The following HSF2 variants were observed in gnomAD, a reference collection of about 807,000 sequenced individuals.
HSF2 encodes the protein heat shock transcription factor 2.
A neutral mutation model predicts 65.0 loss-of-function variants in HSF2; 21 were observed. The observed-to-expected ratio is 0.32, with a 90% CI of 0.23 to 0.47. HSF2 has a LOEUF of 0.47. HSF2 is among the 20% of genes least tolerant of loss of function. The probability of loss-of-function intolerance (pLI) is 1.00; values close to 1 mark genes in which losing one functional copy is unlikely to be tolerated. For missense variants in HSF2, 499 were observed against 628.1 expected (o/e 0.79, Z 2.20); for synonymous variants, 225 against 219.1 (o/e 1.03, Z -0.24).
chr6:122,428,504 C>T (rs1360944359), intron 11 of HSF2, among the ~76,000 whole-genome samples: 4 of 151,570 alleles, frequency 2.6e-5, no homozygotes, highest in African/African-American at 4.8e-5. Context: ...AGAGATTTTG[C>T]GGAACTTGTT....
intron 1 of HSF2, among the ~76,000 whole-genome samples, chr6:122,400,492 C>A (rs1562195538): frequency 6.6e-6 from 1 of 152,270 alleles, no homozygotes; most frequent in East Asian, 1.9e-4. Context: ...TAATAAAGTA[C>A]TAATAGGTGG....
At chr6:122,399,604 G>A (rs918107464), upstream of HSF2, 11 of 682,562 alleles carry the variant, frequency 1.6e-5, no homozygotes, top group East Asian at 1.5e-4. Context: ...CGCGCCTGGC[G>A]GGGTTGGGGG....
At chr6:122,430,448 T>A (rs1168321876) in intron 11 of HSF2, among the ~76,000 whole-genome samples, 1 of 152,134 alleles carries the variant, frequency 6.6e-6, no homozygotes, top group Non-Finnish European at 1.5e-5. Context: ...AAAATACCTA[T>A]TTTAGGAAGC....
chr6:122,399,704 G>T lies in HSF2; in HGVS notation c.-34G>T, dbSNP rs370931192. 1,234 of 1,559,446 alleles carry T rather than the reference G, an allele frequency of 7.9e-4. No homozygotes were observed. Among genetic ancestry groups the T allele is most frequent in the Admixed American group, 1.8e-3 (105 of 58,552 alleles). On this transcript the variant is annotated 5_prime_UTR_variant, in exon 1 of 13. Transcript: ENST00000368455. ...CCGCCGCCGCTACCACCGCGTTCGG[G>T]TGTAGAATTTGGAATCCCTGCGCCG...
chr6:122,427,949 A>G lies in HSF2; in HGVS notation c.1223A>G (p.Asn408Ser), dbSNP rs1278532264. The part of the protein sequence containing the change: ...VQMNPTDYIN[N>S]TKSENKGLET... ...ATGAATCCCACAGATTACATCAATA[A>G]TACAAAAGTAAGTTTTAATTCATGT... Residue 408 changes from asparagine to serine, a missense_variant, in exon 11 of 13, where the codon AAT becomes AGT. Physicochemically the swap from Asn to Ser is conservative, Grantham distance 46 (BLOSUM62 1). Coordinates refer to ENST00000368455, the MANE Select transcript of HSF2 (RefSeq NM_004506.4). 1.9e-6 allele frequency: 3 copies of G among 1,596,228 alleles called. No homozygotes were observed. The highest frequency in any genetic ancestry group is 2.6e-6 in the Non-Finnish European group (3 of 1,166,912).
rs983325926 is a variant in HSF2, at chr6:122,432,282, A to G, written c.*62A>G. 6.6e-6 allele frequency: 9 copies of G among 1,355,610 alleles called. No individual in the cohort carries two copies. The highest frequency in any genetic ancestry group is 9.2e-6 in the Non-Finnish European group (9 of 982,862). The allele number at this position is 1,355,610 out of a possible 1,614,324, so 84.0% of individuals were successfully genotyped here. A position where few individuals can be genotyped will look rare whatever the true frequency, so the allele number is the denominator to read the frequency against. The stretch of plus-strand genomic sequence containing the variant: ...CAAAATGATGAACTATTTATTTTAA[A>G]GTATCATTTGGTACTTTTTTTGTAA... On this transcript the variant is annotated 3_prime_UTR_variant, in exon 13 of 13. Coordinates refer to ENST00000368455, the MANE Select transcript of HSF2 (RefSeq NM_004506.4).
At position 122,412,704 on chromosome 6, in the gene HSF2, A is replaced by G. The variant is rs1423317663; in HGVS notation, c.270A>G (p.Glu90=). The change falls in exon 3 of 13, where the codon GAA becomes GAG. Residue 90 remains glutamate (E), a synonymous_variant. Transcript: ENST00000368455. ...AGCAAGAAAGAGATGGTCCTGTAGA[A>G]TTTCAGCATCCTTACTTCAAACAAG... ...IVKQERDGPV[E]FQHPYFKQGQ... 6.2e-7 allele frequency: 1 copy of G among 1,612,818 alleles called. No individual in the cohort carries two copies. The highest frequency in any genetic ancestry group is 2.2e-5 in the East Asian group (1 of 44,852).
At chr6:122,423,002 GTTCAC>G (rs758410388) in intron 9 of HSF2, 45 bp downstream of exon 9, 27 of 1,600,494 alleles carry the variant, frequency 1.7e-5, no homozygotes, top group Non-Finnish European at 2.1e-5. Flanking sequence ...TGCTTTCTTT[GTTCAC>G]TTCACATGTT....
In HSF2 at chr6:122,423,581, G is replaced by A; in HGVS notation, c.1071G>A (p.Lys357=). 6.3e-7 allele frequency: 1 copy of A among 1,583,088 alleles called. No individual in the cohort carries two copies. Among genetic ancestry groups the A allele is most frequent in the Non-Finnish European group, 8.6e-7 (1 of 1,162,022 alleles). ...ILNDNINLLG[K]VELLDYLDSI... is the part of the protein sequence containing the mutation. Reference sequence around the variant, plus strand: ...ATTAAAAAAATTTTTTTTTCCTTAGGGTTGAGCTGTTGGATTATCTTGACA... The same window carrying A: ...ATTAAAAAAATTTTTTTTTCCTTAGAGTTGAGCTGTTGGATTATCTTGACA... Residue 357 remains lysine, a splice_region_variant and synonymous_variant, in exon 10 of 13, where the codon AAG becomes AAA. Transcript: ENST00000368455.
intron 1 of HSF2, among the ~76,000 whole-genome samples, chr6:122,404,130 C>G (rs1478766294): frequency 2.6e-5 from 4 of 152,200 alleles, no homozygotes; most frequent in Admixed American, 2.6e-4. Context: ...CTTTGGCATT[C>G]TCTGCTTCTC....
rs45438104 is a variant in HSF2, at chr6:122,425,777, C to G, written c.1176+2091C>G. Among the ~76,000 whole-genome samples, 462 of 152,136 alleles carry G rather than the reference C, an allele frequency of 3.0e-3. 2 individuals are homozygous for G. The highest frequency in any genetic ancestry group is 0.011 in the African/African-American group (439 of 41,534). ...TCTCTCTTCTTTTTCCATTCTTCCT[C>G]TGTGAAGAGATTTTGGCTTGTAAGA... On this transcript the variant is annotated intron_variant, in intron 10 of 12. Coordinates refer to ENST00000368455, the MANE Select transcript of HSF2 (RefSeq NM_004506.4).
chr6:122,406,574 T>C (rs1773872547), intron 1 of HSF2, among the ~76,000 whole-genome samples: 1 of 152,140 alleles, frequency 6.6e-6, no homozygotes, highest in African/African-American at 2.4e-5. Flanking sequence ...AGTCAAGGTA[T>C]TGAGATGTAG....
At chr6:122,431,358 T>G in intron 11 of HSF2, 72 bp from the exon 12 acceptor site, 1 of 622,558 alleles carries the variant, frequency 1.6e-6, no homozygotes. Flanking sequence ...TTACATATTG[T>G]ATCAATTTTT....
chr6:122,412,738 G>T lies in HSF2; in HGVS notation c.304G>T (p.Asp102Tyr). 1.2e-6 allele frequency: 2 copies of T among 1,612,904 alleles called. No individual in the cohort carries two copies. The highest frequency in any genetic ancestry group is 2.2e-5 in the South Asian group (2 of 91,008). ...TCCTTACTTCAAACAAGGACAGGAT[G>T]ACTTGTTGGAGAACATTAAAAGGAA... ...QHPYFKQGQD[D>Y]LLENIKRKVS... The change falls in exon 3 of 13, where the codon GAC becomes TAC. Residue 102 changes from aspartate (D) to tyrosine (Y), a missense_variant. Transcript: ENST00000368455.
At chr6:122,410,467 A>T (rs1348536795) in intron 1 of HSF2, among the ~76,000 whole-genome samples, 1 of 151,826 alleles carries the variant, frequency 6.6e-6, no homozygotes, top group Non-Finnish European at 1.5e-5. Context: ...TAAGTGCATT[A>T]AGTTAGATTC....
At chr6:122,406,996 A>G (rs9372697) in intron 1 of HSF2, among the ~76,000 whole-genome samples, 21,525 of 152,178 alleles carry the variant, frequency 0.14, 1,627 homozygotes, top group East Asian at 0.26. Context: ...GGTGGAGTTT[A>G]GACCTTGTAA....
At position 122,432,093 on chromosome 6, in the gene HSF2, C is replaced by G; in HGVS notation, c.1484C>G (p.Pro495Arg). 6.2e-7 allele frequency: 1 copy of G among 1,614,078 alleles called. No individual in the cohort carries two copies. ...CTGGATAGCAGCCTAGACCCAGAACCAACCCAAAGTAAGCTTGTTCGCCTG... is the reference window on the plus strand; with the variant it reads ...CTGGATAGCAGCCTAGACCCAGAACGAACCCAAAGTAAGCTTGTTCGCCTG... ...ELLDSSLDPEPTQSKLVRLEP... is the reference protein window; with the variant it reads ...ELLDSSLDPERTQSKLVRLEP... Residue 495 changes from proline (P) to arginine (R), a missense_variant, in exon 13 of 13, where the codon CCA (proline) becomes CGA (arginine). Transcript: ENST00000368455.
chr6:122,399,655 C>T lies in HSF2; in HGVS notation c.-83C>T, dbSNP rs1452098925. 5 of 1,179,512 alleles carry T rather than the reference C, an allele frequency of 4.2e-6. No individual in the cohort carries two copies. Among genetic ancestry groups the T allele is most frequent in the Admixed American group, 3.7e-5 (2 of 53,782 alleles). The allele number at this position is 1,179,512 out of a possible 1,614,324, so 73.1% of individuals were successfully genotyped here. A position where few individuals can be genotyped will look rare whatever the true frequency, so the allele number is the denominator to read the frequency against. On this transcript the variant is annotated 5_prime_UTR_variant, in exon 1 of 13. Coordinates refer to ENST00000368455, the MANE Select transcript of HSF2 (RefSeq NM_004506.4). The stretch of plus-strand genomic sequence containing the variant: ...CTGCTGCGCCTGCGTTGTGGGCGTT[C>T]TCGGGGAGCTGCTGCCGTAGCTGCC...
intron 1 of HSF2, among the ~76,000 whole-genome samples, chr6:122,409,918 C>G (rs1017924241): frequency 6.6e-6 from 1 of 151,756 alleles, no homozygotes; most frequent in African/African-American, 2.4e-5. Context: ...CTTTTCTTTC[C>G]TGATTATCCC....
Sources: allele counts gnomAD v4.1 joint callset (sites outside exome capture counted in the v4.1 genomes callset), GRCh38; gene constraint gnomAD v4.1.1; transcripts MANE v1.5; gene names NCBI Gene and HGNC (gene_info 2026-07-23, HGNC 2026-07-21).